SGCZ: variants seen among roughly 807,000 people sequenced by gnomAD.
The protein encoded by SGCZ is zeta-sarcoglycan.
SGCZ carries 40 observed loss-of-function variants against 41.3 expected under a neutral mutation model. The observed-to-expected ratio is 0.97, with a 90% CI of 0.75 to 1.26. The LOEUF is 1.26. SGCZ is among the 50% of genes most tolerant of loss of function. The probability of loss-of-function intolerance (pLI) is 0.00; values close to 1 mark genes in which losing one functional copy is unlikely to be tolerated. For missense variants in SGCZ, 552 were observed against 369.8 expected (o/e 1.49, Z -4.04); for synonymous variants, 206 against 137.5 (o/e 1.50, Z -3.49).
chr8:14,244,667 T>C (rs1472699460), intron 3 of SGCZ, among the ~76,000 whole-genome samples: 1 of 151,684 alleles, frequency 6.6e-6, no homozygotes, highest in Non-Finnish European at 1.5e-5. Context: ...GCATAGAATC[T>C]ATAAATTATC....
chr8:14,497,852 C>T (rs1301979297), intron 2 of SGCZ, among the ~76,000 whole-genome samples: 5 of 152,146 alleles, frequency 3.3e-5, no homozygotes, highest in Non-Finnish European at 7.3e-5. Context: ...AACAATAAGA[C>T]AGTTAGGTTG....
At chr8:14,478,784 A>G (rs892455432) in intron 2 of SGCZ, among the ~76,000 whole-genome samples, 1 of 152,130 alleles carries the variant, frequency 6.6e-6, no homozygotes, top group African/African-American at 2.4e-5. Context: ...TCAGAGTAAC[A>G]GTTCTTATTT....
chr8:14,273,577 T>C (rs1800127155), intron 3 of SGCZ, among the ~76,000 whole-genome samples: 1 of 152,208 alleles, frequency 6.6e-6, no homozygotes, highest in Non-Finnish European at 1.5e-5. Flanking sequence ...AATGTTTAAC[T>C]ACACTACATA....
rs193259087 is a variant in SGCZ, at chr8:14,280,004, T to C, written c.337-42325A>G. On this transcript the variant is annotated intron_variant, in intron 3 of 7. Coordinates refer to ENST00000382080, the MANE Select transcript of SGCZ (RefSeq NM_139167.4). ...GGCTTTGCTAGATTCATTTTCATTT[T>C]GCCACCATCTTTTTGAATGGTAGGA... is the stretch of plus-strand genomic sequence containing the variant. Among the ~76,000 whole-genome samples, 20 of 152,080 alleles carry C rather than the reference T, an allele frequency of 1.3e-4. No homozygotes were observed. The East Asian group carries it at 3.5e-3, about 26-fold the overall frequency.
intron 6 of SGCZ, among the ~76,000 whole-genome samples, chr8:14,105,482 C>A (rs192251937): frequency 1.1e-4 from 17 of 151,664 alleles, no homozygotes; most frequent in Non-Finnish European, 8.8e-5. Flanking sequence ...CATCAACCAA[C>A]AAACAGTACT....
chr8:14,259,351 T>G (rs1294545994), intron 3 of SGCZ, among the ~76,000 whole-genome samples: 3 of 151,888 alleles, frequency 2.0e-5, no homozygotes, highest in Non-Finnish European at 4.4e-5. Context: ...TTTGTTGCCA[T>G]TGCTTTTGGT....
chr8:14,139,422 T>C (rs1461373121), intron 5 of SGCZ, among the ~76,000 whole-genome samples: 1 of 152,010 alleles, frequency 6.6e-6, no homozygotes, highest in Non-Finnish European at 1.5e-5. Context: ...TTTGAAATGA[T>C]TAACAAAATA....
rs1462400593 is a variant in SGCZ, at chr8:15,212,945, C to A, written c.39+24640G>T. ...TGCTGAAATGAAAAGCATGACAACT[C>A]ACTGTAGACATTTACCTCTTAATGT... On this transcript the variant is annotated intron_variant, in intron 1 of 7. Transcript: ENST00000382080. Among the ~76,000 whole-genome samples, 7 of 152,130 alleles carry A rather than the reference C, an allele frequency of 4.6e-5. 1 individual carries two copies. The Middle Eastern group carries it at 0.014, about 296-fold the overall frequency.
intron 2 of SGCZ, among the ~76,000 whole-genome samples, chr8:14,469,932 C>G (rs910451517): frequency 2.0e-5 from 3 of 152,016 alleles, no homozygotes; most frequent in Admixed American, 2.0e-4. Context: ...TATAATAAAC[C>G]AGTAAATGTG....
intron 3 of SGCZ, among the ~76,000 whole-genome samples, chr8:14,263,099 A>G (rs1418420278): frequency 6.6e-6 from 1 of 152,170 alleles, no homozygotes; most frequent in Admixed American, 6.5e-5. Context: ...TGTTTCCACT[A>G]TTTTGTGTTT....
intron 3 of SGCZ, among the ~76,000 whole-genome samples, chr8:14,240,161 T>C (rs1798818709): frequency 6.6e-6 from 1 of 151,232 alleles, no homozygotes; most frequent in Non-Finnish European, 1.5e-5. Context: ...ACCCCATCTC[T>C]ACTAAAAATA....
At chr8:15,007,773 T>C (rs530199583) in intron 1 of SGCZ, among the ~76,000 whole-genome samples, 9 of 152,338 alleles carry the variant, frequency 5.9e-5, no homozygotes, top group Non-Finnish European at 5.9e-5. Context: ...CTAATTGAAA[T>C]ATAATTACTG....
chr8:14,421,983 A>T (rs1370242375), intron 2 of SGCZ, among the ~76,000 whole-genome samples: 1 of 152,134 alleles, frequency 6.6e-6, no homozygotes, highest in Non-Finnish European at 1.5e-5. Flanking sequence ...GAGCAATACA[A>T]GATTTTTTTA....
chr8:14,708,810 C>T (rs1309720850), intron 1 of SGCZ, among the ~76,000 whole-genome samples: 4 of 62,552 alleles, frequency 6.4e-5, no homozygotes, highest in Non-Finnish European at 9.3e-5. Context: ...ATGTTTTATT[C>T]GAGTGTGTGT....
At chr8:14,404,371 G>T (rs149517550) in intron 2 of SGCZ, among the ~76,000 whole-genome samples, 4 of 151,986 alleles carry the variant, frequency 2.6e-5, no homozygotes, top group Admixed American at 2.6e-4. Flanking sequence ...AATGCAACAT[G>T]TCCTCTTTAA....
chr8:14,603,665 T>C (rs1460808790), intron 1 of SGCZ, among the ~76,000 whole-genome samples: 4 of 152,182 alleles, frequency 2.6e-5, no homozygotes, highest in African/African-American at 4.8e-5. Context: ...AATTTAGATA[T>C]GATTGATTAA....
intron 7 of SGCZ, among the ~76,000 whole-genome samples, chr8:14,090,863 C>G (rs1801668587): frequency 6.6e-6 from 1 of 151,956 alleles, no homozygotes. Flanking sequence ...AGAAAGCCCT[C>G]AATCTGAAAA....
At chr8:14,377,827 A>G (rs1179032182) in intron 2 of SGCZ, among the ~76,000 whole-genome samples, 2 of 151,912 alleles carry the variant, frequency 1.3e-5, no homozygotes, top group East Asian at 1.9e-4. Flanking sequence ...ATGATTACCA[A>G]TTTCATCCAT....
At chr8:14,991,503 C>T (rs538861691) in intron 1 of SGCZ, among the ~76,000 whole-genome samples, 60 of 152,258 alleles carry the variant, frequency 3.9e-4, no homozygotes, top group Non-Finnish European at 6.9e-4. Flanking sequence ...TGTCTACCTT[C>T]GGCCCAGCTC....
Sources: gnomAD v4.1 joint callset for allele counts (sites outside exome capture counted in the v4.1 genomes callset) on GRCh38, gnomAD v4.1.1 for gene constraint, MANE v1.5 for transcripts, NCBI Gene and HGNC (gene_info 2026-07-23, HGNC 2026-07-21) for gene names.